The following MEI4 variants were observed in gnomAD, a reference collection of about 807,000 sequenced individuals.
MEI4 encodes meiotic double-stranded break formation protein 4.
A neutral mutation model predicts 31.4 loss-of-function variants in MEI4; 27 were observed. The ratio of observed to expected loss-of-function variants is 0.86; its 90% confidence interval spans 0.63 to 1.19. The LOEUF is 1.19. Among genes scored for constraint, MEI4 ranks in the 50% most tolerant of loss-of-function variants. MEI4 has a pLI of 0.00. For missense variants in MEI4, 329 were observed against 398.9 expected (o/e 0.82, Z 1.49); for synonymous variants, 122 against 145.4 (o/e 0.84, Z 1.16).
intron 1 of MEI4, among the ~76,000 whole-genome samples, chr6:77,669,860 G>A (rs1768706426): frequency 1.3e-5 from 2 of 152,124 alleles, no homozygotes; most frequent in South Asian, 2.1e-4. Flanking sequence ...TGTAAGTGGT[G>A]GAGCCTGCAT....
At chr6:77,674,954 C>A (rs1223666258) in intron 1 of MEI4, among the ~76,000 whole-genome samples, 1 of 150,902 alleles carries the variant, frequency 6.6e-6, no homozygotes, top group African/African-American at 2.4e-5. Context: ...TACCTTTTTT[C>A]TTTTAACTGT....
intron 4 of MEI4, among the ~76,000 whole-genome samples, chr6:77,867,609 A>C (rs1012356848): frequency 6.6e-6 from 1 of 152,132 alleles, no homozygotes; most frequent in Non-Finnish European, 1.5e-5. Flanking sequence ...ACACTTTTAC[A>C]CTGTTGGTGG....
chr6:77,775,912 T>C (rs958325377), intron 3 of MEI4, among the ~76,000 whole-genome samples: 1 of 152,176 alleles, frequency 6.6e-6, no homozygotes. Context: ...TATTGCATTG[T>C]GGTTTTGATT....
chr6:77,767,457 G>A (rs1250770364), intron 3 of MEI4, among the ~76,000 whole-genome samples: 1 of 152,074 alleles, frequency 6.6e-6, no homozygotes, highest in Non-Finnish European at 1.5e-5. Flanking sequence ...TACTTTGGGA[G>A]GCCGAGGCAG....
intron 2 of MEI4, among the ~76,000 whole-genome samples, chr6:77,760,484 T>C (rs1432437133): frequency 6.6e-6 from 1 of 152,188 alleles, no homozygotes; most frequent in Non-Finnish European, 1.5e-5. Flanking sequence ...ATATTATTTA[T>C]CTTAGTCTCT....
chr6:77,709,633 G>C (rs1766412232), intron 2 of MEI4, among the ~76,000 whole-genome samples: 1 of 152,086 alleles, frequency 6.6e-6, no homozygotes, highest in Admixed American at 6.6e-5. Flanking sequence ...AGGATATGCA[G>C]AATTTAGGCA....
chr6:77,920,005 C>T (rs1766666073), intron 4 of MEI4, among the ~76,000 whole-genome samples: 2 of 146,912 alleles, frequency 1.4e-5, no homozygotes, highest in African/African-American at 5.0e-5. Context: ...TGGCAATAAT[C>T]AATAGTTTAC....
intron 2 of MEI4, among the ~76,000 whole-genome samples, chr6:77,701,366 A>G (rs1282056919): frequency 2.6e-5 from 4 of 152,118 alleles, no homozygotes; most frequent in Non-Finnish European, 4.4e-5. Context: ...GGCTTTGTTA[A>G]TGGGAAAAAT....
intron 1 of MEI4, among the ~76,000 whole-genome samples, chr6:77,684,428 A>AGTAG (rs972829799): frequency 6.6e-6 from 1 of 151,858 alleles, no homozygotes; most frequent in Admixed American, 6.6e-5. Context: ...GCTATTGAAT[A>AGTAG]GTAGGTCTTA....
chr6:77,703,915 G>A (rs1489332464), intron 2 of MEI4, among the ~76,000 whole-genome samples: 1 of 152,188 alleles, frequency 6.6e-6, no homozygotes. Flanking sequence ...GCAAGGGACT[G>A]TGAGTGTGAG....
intron 4 of MEI4, among the ~76,000 whole-genome samples, chr6:77,916,768 T>C (rs1413796923): frequency 1.7e-4 from 1 of 5,716 alleles, no homozygotes; most frequent in African/African-American, 3.4e-3. Context: ...CTCTAATTCT[T>C]TTTTTTTTTT....
Position 77,908,998 on chromosome 6 carries a change from C to T in MEI4, c.901-14091C>T, listed in dbSNP as rs550330294. On this transcript the variant is annotated intron_variant, in intron 4 of 4. Transcript: ENST00000684080. ...GAACTGAACTCAGCTCTGCACCAAG[C>T]AGACCTAATAGACATCTACAGAACT... 2.6e-5 allele frequency among the ~76,000 whole-genome samples: 4 copies of T among 152,160 alleles called. No homozygotes were observed. In the East Asian group the frequency reaches 7.8e-4, roughly 30 times the overall value.
chr6:77,832,505 T>C (rs1770109200), intron 4 of MEI4, among the ~76,000 whole-genome samples: 1 of 152,108 alleles, frequency 6.6e-6, no homozygotes. Context: ...TGTCAAACAT[T>C]ATTCCAAACA....
At chr6:77,859,790 A>C (rs1021971876) in intron 4 of MEI4, among the ~76,000 whole-genome samples, 18 of 152,180 alleles carry the variant, frequency 1.2e-4, no homozygotes, top group Admixed American at 9.8e-4. Flanking sequence ...ATGCATTTGA[A>C]ATGCAATATT....
At chr6:77,685,592 C>G (rs1769040409) in intron 1 of MEI4, among the ~76,000 whole-genome samples, 1 of 151,854 alleles carries the variant, frequency 6.6e-6, no homozygotes, top group Non-Finnish European at 1.5e-5. Flanking sequence ...GTTGCCTGTC[C>G]TTCTGTCATA....
In MEI4 at chr6:77,767,107, C is replaced by T. The variant is rs559570702; in HGVS notation, c.768+5442C>T. 5.3e-5 allele frequency among the ~76,000 whole-genome samples: 8 copies of T among 151,896 alleles called. No individual in the cohort carries two copies. The South Asian group carries it at 1.0e-3, about 20-fold the overall frequency. On this transcript the variant is annotated intron_variant, in intron 3 of 4. Coordinates refer to ENST00000684080, the MANE Select transcript of MEI4 (RefSeq NM_001322247.2). ...TTAAACAAACAAACAAACGGCTGGG[C>T]GCGGTGGCTCACACCTGTAATCCCA... is the stretch of plus-strand genomic sequence containing the variant.
At position 77,923,440 on chromosome 6, in the gene MEI4, A is replaced by T; in HGVS notation, c.*94A>T. 1.0e-6 allele frequency: 1 copy of T among 971,966 alleles called. No individual in the cohort carries two copies. 60.2% of individuals were successfully genotyped at this position (971,966 alleles called of 1,614,324 possible). ...AAAGATTTTCAATAGTATTTTAATT[A>T]GCATTTTAGAATTGATCTCTAAATA... is the stretch of plus-strand genomic sequence containing the variant. On this transcript the variant is annotated 3_prime_UTR_variant, in exon 5 of 5. Transcript: ENST00000684080.
intron 4 of MEI4, among the ~76,000 whole-genome samples, chr6:77,894,536 A>C (rs1766041115): frequency 6.6e-6 from 1 of 152,206 alleles, no homozygotes; most frequent in Non-Finnish European, 1.5e-5. Context: ...ATTAGTGATG[A>C]TACATAGTAA....
chr6:77,696,524 A>T (rs1035227188), intron 2 of MEI4, among the ~76,000 whole-genome samples: 5 of 151,678 alleles, frequency 3.3e-5, no homozygotes, highest in Non-Finnish European at 5.9e-5. Context: ...TGAGATAATC[A>T]TGTGGTTTTT....
Sources: gnomAD v4.1 joint callset for allele counts (sites outside exome capture counted in the v4.1 genomes callset) on GRCh38, gnomAD v4.1.1 for gene constraint, MANE v1.5 for transcripts, NCBI Gene and HGNC (gene_info 2026-07-23, HGNC 2026-07-21) for gene names.